Variants in SLC49A4 observed in about 807,000 individuals in gnomAD.
The protein encoded by SLC49A4 is disrupted in renal cancer protein 2.
SLC49A4 carries 36 observed loss-of-function variants against 50.6 expected under a neutral mutation model. The observed-to-expected ratio is 0.71, with a 90% confidence interval of 0.55 to 0.94. SLC49A4 has a LOEUF of 0.94. SLC49A4 is among the 40% of genes least tolerant of loss of function. The pLI is 0.00. For missense variants in SLC49A4, 503 were observed against 605.7 expected (o/e 0.83, Z 1.78); for synonymous variants, 248 against 241.2 (o/e 1.03, Z -0.26).
intron 2 of SLC49A4, among the ~76,000 whole-genome samples, chr3:122,820,197 A>G (rs1936431614): frequency 6.6e-6 from 1 of 152,218 alleles, no homozygotes; most frequent in Non-Finnish European, 1.5e-5. Context: ...TATTATTAAC[A>G]GAGAACCTTC....
intron 7 of SLC49A4, among the ~76,000 whole-genome samples, chr3:122,870,536 C>T (rs993987357): frequency 5.4e-5 from 8 of 149,018 alleles, no homozygotes; most frequent in South Asian, 4.6e-4. Flanking sequence ...AGGTCAGGTG[C>T]GGTGGCTCAC....
At chr3:122,850,434 C>G (rs2107575803) in intron 5 of SLC49A4, among the ~76,000 whole-genome samples, 1 of 152,050 alleles carries the variant, frequency 6.6e-6, no homozygotes, top group South Asian at 2.1e-4. Flanking sequence ...GTAAATGCTG[C>G]AGCTGCAAAA....
intron 8 of SLC49A4, among the ~76,000 whole-genome samples, chr3:122,874,398 G>A (rs185882662): frequency 1.8e-4 from 28 of 152,228 alleles, no homozygotes; most frequent in African/African-American, 6.7e-4. Context: ...TATTTCTTTG[G>A]CAGAGGGAGC....
chr3:122,799,786 G>A (rs1343519670), intron 1 of SLC49A4, among the ~76,000 whole-genome samples: 2 of 152,196 alleles, frequency 1.3e-5, no homozygotes, highest in Admixed American at 6.5e-5. Context: ...GATATGTGTC[G>A]AAAGTAGATT....
At chr3:122,865,297 C>T (rs1161766704) in intron 7 of SLC49A4, among the ~76,000 whole-genome samples, 3 of 152,202 alleles carry the variant, frequency 2.0e-5, no homozygotes, top group Non-Finnish European at 2.9e-5. Flanking sequence ...ATAAGTCTTG[C>T]AGCAGATTCT....
intron 7 of SLC49A4, among the ~76,000 whole-genome samples, chr3:122,871,970 G>A (rs1937201714): frequency 6.6e-6 from 1 of 152,074 alleles, no homozygotes; most frequent in African/African-American, 2.4e-5. Flanking sequence ...ACTGCATAAT[G>A]TTTATTTTGT....
intron 5 of SLC49A4, among the ~76,000 whole-genome samples, chr3:122,849,914 G>C (rs1273346077): frequency 2.6e-5 from 4 of 151,820 alleles, no homozygotes; most frequent in African/African-American, 9.7e-5. Flanking sequence ...CCAGTGTCCT[G>C]TAGTGTTCCC....
chr3:122,807,510 G>A (rs1292123258), intron 2 of SLC49A4, among the ~76,000 whole-genome samples: 2 of 152,146 alleles, frequency 1.3e-5, no homozygotes, highest in Admixed American at 6.5e-5. Flanking sequence ...AACTGGGACC[G>A]TGGATTTATT....
At chr3:122,811,261 A>G (rs978411068) in intron 2 of SLC49A4, among the ~76,000 whole-genome samples, 1 of 152,236 alleles carries the variant, frequency 6.6e-6, no homozygotes, top group Non-Finnish European at 1.5e-5. Flanking sequence ...CAATTACAGA[A>G]GTTGAAATAT....
chr3:122,856,352 G>A lies in SLC49A4; in HGVS notation c.988G>A (p.Val330Ile). 6.2e-7 allele frequency: 1 copy of A among 1,614,022 alleles called. No homozygotes were observed. Among genetic ancestry groups the A allele is most frequent in the Non-Finnish European group, 8.5e-7 (1 of 1,179,950 alleles). The change falls in exon 6 of 9, where the codon GTT becomes ATT. Residue 330 changes from valine (V) to isoleucine (I), a missense_variant. Coordinates refer to ENST00000261038, the MANE Select transcript of SLC49A4 (RefSeq NM_032839.3). Reference sequence around the variant, plus strand: ...ATTTTGGTCCATAGTTGGAGGCTGTGTTGTTGGAATAGCTATGGCAAGGTG... The same window carrying A: ...ATTTTGGTCCATAGTTGGAGGCTGTATTGTTGGAATAGCTATGGCAAGGTG... ...IGFWSIVGGC[V>I]VGIAMARFAD...
rs748580026 is a variant in SLC49A4 at position 122,856,351 on chromosome 3, T to C, written c.987T>C (p.Cys329=). The change falls in exon 6 of 9, where the codon TGT becomes TGC. Residue 329 remains cysteine, a synonymous_variant. Transcript: ENST00000261038. ...GATTTTGGTCCATAGTTGGAGGCTG[T>C]GTTGTTGGAATAGCTATGGCAAGGT... is the stretch of plus-strand genomic sequence containing the variant. ...WIGFWSIVGG[C]VVGIAMARFA... The C allele has an allele frequency of 6.2e-7, 1 of 1,614,046 alleles. No individual in the cohort carries two copies. Among genetic ancestry groups the C allele is most frequent in the Non-Finnish European group, 8.5e-7 (1 of 1,179,958 alleles).
At chr3:122,814,822 T>A (rs925423539) in intron 2 of SLC49A4, among the ~76,000 whole-genome samples, 1 of 152,090 alleles carries the variant, frequency 6.6e-6, no homozygotes, top group Admixed American at 6.5e-5. Flanking sequence ...TCATCAGCTG[T>A]CATTCGTGTT....
rs181109956 is a variant in SLC49A4, at chr3:122,869,229, C to G, written c.1139-3186C>G. ...AAGTCTCTACTCTCCTGTGACCCCC[C>G]CCAGTTTTCCTCTCTAAAGGCAAAT... On this transcript the variant is annotated intron_variant, in intron 7 of 8. Transcript: ENST00000261038. Among the ~76,000 whole-genome samples the G allele has an allele frequency of 1.2e-3, 190 of 152,094 alleles. 1 individual carries two copies. The highest frequency in any genetic ancestry group is 4.5e-3 in the African/African-American group (186 of 41,490).
chr3:122,811,419 T>A (rs1006368308), intron 2 of SLC49A4, among the ~76,000 whole-genome samples: 1 of 152,158 alleles, frequency 6.6e-6, no homozygotes, highest in Non-Finnish European at 1.5e-5. Context: ...ATGAAAAAAA[T>A]TGATAATGTT....
intron 2 of SLC49A4, among the ~76,000 whole-genome samples, chr3:122,822,208 C>T (rs964951884): frequency 6.6e-6 from 1 of 152,068 alleles, no homozygotes; most frequent in East Asian, 1.9e-4. Flanking sequence ...ATGAATCCCC[C>T]TCCTTCGTTT....
chr3:122,828,910 A>G (rs1936573271), intron 3 of SLC49A4, among the ~76,000 whole-genome samples: 1 of 152,198 alleles, frequency 6.6e-6, no homozygotes, highest in African/African-American at 2.4e-5. Context: ...ACTGTTAAGC[A>G]TATATTAATG....
chr3:122,870,031 A>G (rs892855851), intron 7 of SLC49A4, among the ~76,000 whole-genome samples: 19 of 152,344 alleles, frequency 1.2e-4, no homozygotes, highest in African/African-American at 4.6e-4. Context: ...ATTTTATCAC[A>G]TAGAATTATT....
Position 122,824,333 on chromosome 3 carries a change from C to T in SLC49A4, c.438-2467C>T, listed in dbSNP as rs113072070. Among the ~76,000 whole-genome samples the T allele has an allele frequency of 1.5e-3, 232 of 152,260 alleles. 2 individuals carry two copies. The highest frequency in any genetic ancestry group is 1.4e-3 in the African/African-American group (57 of 41,538). On this transcript the variant is annotated intron_variant, in intron 2 of 8. Coordinates refer to ENST00000261038, the MANE Select transcript of SLC49A4 (RefSeq NM_032839.3). ...TCCTTCTTTGGATACTACTTTAACA[C>T]GTACTGTATCGTAGTGAGAAATGTT... is the stretch of plus-strand genomic sequence containing the variant.
chr3:122,838,235 G>C (rs1936718825), intron 4 of SLC49A4, among the ~76,000 whole-genome samples: 1 of 152,110 alleles, frequency 6.6e-6, no homozygotes, highest in South Asian at 2.1e-4. Context: ...TATAAATCAT[G>C]CTGCTATAAA....
Sources: allele counts gnomAD v4.1 joint callset (sites outside exome capture counted in the v4.1 genomes callset), GRCh38; gene constraint gnomAD v4.1.1; transcripts MANE v1.5; gene names NCBI Gene and HGNC (gene_info 2026-07-23, HGNC 2026-07-21).